The following UBXN7 variants were observed in gnomAD, a reference collection of about 807,000 sequenced individuals.
The protein encoded by UBXN7 is UBX domain protein 7.
UBXN7 carries 9 observed loss-of-function variants against 58.0 expected under a neutral mutation model. That is an observed-to-expected ratio of 0.16 (90% CI 0.09 to 0.27). UBXN7 has a LOEUF of 0.27. Ranked by LOEUF, UBXN7 falls within the 10% of genes least tolerant of loss-of-function variation. The probability of loss-of-function intolerance (pLI) is 1.00; values close to 1 mark genes in which losing one functional copy is unlikely to be tolerated. For missense variants in UBXN7, 328 were observed against 599.6 expected (o/e 0.55, Z 4.73); for synonymous variants, 208 against 205.0 (o/e 1.01, Z -0.12).
intron 1 of UBXN7, among the ~76,000 whole-genome samples, chr3:196,418,972 G>T (rs1245736710): frequency 6.6e-6 from 1 of 152,120 alleles, no homozygotes; most frequent in Non-Finnish European, 1.5e-5. Context: ...CATACCACTG[G>T]TAACAATCTG....
At chr3:196,363,389 G>A (rs1728566250) in intron 8 of UBXN7, among the ~76,000 whole-genome samples, 1 of 150,792 alleles carries the variant, frequency 6.6e-6, no homozygotes, top group Admixed American at 6.6e-5. Context: ...AGGCCGGGTG[G>A]CTCATGCCTG....
At chr3:196,380,573 G>A (rs767856242) in intron 5 of UBXN7, among the ~76,000 whole-genome samples, 3 of 152,188 alleles carry the variant, frequency 2.0e-5, no homozygotes, top group Non-Finnish European at 4.4e-5. Context: ...TGCAGAAGAC[G>A]GACGATTTCT....
intron 8 of UBXN7, among the ~76,000 whole-genome samples, chr3:196,363,547 G>A (rs926391316): frequency 1.3e-5 from 2 of 151,934 alleles, no homozygotes; most frequent in African/African-American, 4.8e-5. Context: ...CAGACACAAA[G>A]CTAGGCCTCT....
chr3:196,417,345 A>G (rs369895313), intron 1 of UBXN7, among the ~76,000 whole-genome samples: 2 of 152,044 alleles, frequency 1.3e-5, no homozygotes, highest in South Asian at 2.1e-4. Context: ...TAAATAAATA[A>G]ATGTATAAAA....
intron 2 of UBXN7, among the ~76,000 whole-genome samples, chr3:196,405,583 T>C (rs1033205906): frequency 1.3e-5 from 2 of 152,144 alleles, no homozygotes; most frequent in African/African-American, 4.8e-5. Flanking sequence ...TGTGTGTATA[T>C]ATATATAATT....
intron 8 of UBXN7, among the ~76,000 whole-genome samples, chr3:196,364,170 G>A (rs1013095524): frequency 6.6e-6 from 1 of 152,240 alleles, no homozygotes; most frequent in East Asian, 1.9e-4. Flanking sequence ...CCTTGGTAAA[G>A]TTCTAATGCC....
At chr3:196,396,607 G>GA (rs942023256) in intron 3 of UBXN7, among the ~76,000 whole-genome samples, 1 of 151,492 alleles carries the variant, frequency 6.6e-6, no homozygotes, top group African/African-American at 2.4e-5. Flanking sequence ...CTAAAAAATA[G>GA]AAAAAATTAG....
At chr3:196,406,032 T>G (rs1730151142) in intron 2 of UBXN7, among the ~76,000 whole-genome samples, 1 of 151,876 alleles carries the variant, frequency 6.6e-6, no homozygotes, top group African/African-American at 2.4e-5. Context: ...TTTTTTTGTT[T>G]TTTGTTTTTT....
intron 5 of UBXN7, among the ~76,000 whole-genome samples, chr3:196,384,087 AAT>A (rs1729298332): frequency 6.6e-6 from 1 of 152,246 alleles, no homozygotes; most frequent in Non-Finnish European, 1.5e-5. Context: ...AGAAGAATCA[AAT>A]AGACGCAATA....
At chr3:196,430,501 C>T (rs991597193) in intron 1 of UBXN7, among the ~76,000 whole-genome samples, 2 of 152,030 alleles carry the variant, frequency 1.3e-5, no homozygotes, top group African/African-American at 4.8e-5. Context: ...AATCCTCCCA[C>T]CTCAGCCTCC....
intron 1 of UBXN7, among the ~76,000 whole-genome samples, chr3:196,427,645 T>G (rs1213798431): frequency 1.3e-5 from 2 of 152,238 alleles, no homozygotes; most frequent in Non-Finnish European, 2.9e-5. Context: ...AATTGCTCTT[T>G]CAGAATAGAT....
At chr3:196,391,984 A>G in intron 4 of UBXN7, 59 bp from the exon 5 acceptor site, 1 of 793,934 alleles carries the variant, frequency 1.3e-6, no homozygotes, top group Non-Finnish European at 1.9e-6. Context: ...CACTGAAAAA[A>G]AAAAAAAAAA....
chr3:196,393,705 T>A (rs542424323), intron 3 of UBXN7, 86 bp from the exon 4 acceptor site: 13 of 1,342,848 alleles, frequency 9.7e-6, no homozygotes, highest in East Asian at 2.6e-5. Flanking sequence ...AGTATTTTTT[T>A]AATAAAACAT....
chr3:196,432,186 G>T (rs1577488288), intron 1 of UBXN7, 141 bp downstream of exon 1: 1 of 1,212,418 alleles, frequency 8.2e-7, no homozygotes, highest in African/African-American at 1.5e-5. Flanking sequence ...CGACGCCGTC[G>T]TCGCCTCTTC....
intron 3 of UBXN7, among the ~76,000 whole-genome samples, chr3:196,397,059 C>A (rs1729798509): frequency 6.6e-6 from 1 of 152,152 alleles, no homozygotes; most frequent in African/African-American, 2.4e-5. Context: ...TATTTCTAAG[C>A]AAAAACCTCT....
rs909660325 is a variant in UBXN7 at position 196,372,528 on chromosome 3, G to A, written c.469-486C>T. On this transcript the variant is annotated intron_variant, in intron 5 of 10. Coordinates refer to ENST00000296328, the MANE Select transcript of UBXN7 (RefSeq NM_015562.2). Reference sequence around the variant, plus strand: ...GGCTGATTTTTGTATTTTTAGTAGAGATGGGGTATCAACATGTTGGCCAGG... The same window carrying A: ...GGCTGATTTTTGTATTTTTAGTAGAAATGGGGTATCAACATGTTGGCCAGG... Among the ~76,000 whole-genome samples, 10 of 151,992 alleles carry A rather than the reference G, an allele frequency of 6.6e-5. No individual in the cohort carries two copies. The East Asian group carries it at 1.9e-3, about 29-fold the overall frequency.
At chr3:196,412,351 C>T (rs373961045) in intron 1 of UBXN7, among the ~76,000 whole-genome samples, 6 of 150,670 alleles carry the variant, frequency 4.0e-5, no homozygotes, top group Admixed American at 2.0e-4. Context: ...TCTCTAGAAA[C>T]GCAAATAGTT....
chr3:196,408,654 C>G (rs952475148), intron 1 of UBXN7, among the ~76,000 whole-genome samples: 1 of 152,032 alleles, frequency 6.6e-6, no homozygotes, highest in Non-Finnish European at 1.5e-5. Flanking sequence ...GTCTTTATTT[C>G]GCTGTCATTC....
At position 196,407,513 on chromosome 3, in the gene UBXN7, T is replaced by C. The variant is rs552186936; in HGVS notation, c.74-120A>G. ...TAGTATTTTTCCCTTTTAGAATGAATGACTTTCTTGTGAAATACACAGAGC... is the reference window on the plus strand; with the variant it reads ...TAGTATTTTTCCCTTTTAGAATGAACGACTTTCTTGTGAAATACACAGAGC... On this transcript the variant is annotated intron_variant, in intron 1 of 10. Transcript: ENST00000296328. 6 of 1,356,942 alleles carry C rather than the reference T, an allele frequency of 4.4e-6. No homozygotes were observed. The East Asian group carries it at 1.3e-4, about 29-fold the overall frequency. 84.1% of individuals were successfully genotyped at this position (1,356,942 alleles called of 1,614,324 possible).
Sources: gnomAD v4.1 joint callset for allele counts (sites outside exome capture counted in the v4.1 genomes callset) on GRCh38, gnomAD v4.1.1 for gene constraint, MANE v1.5 for transcripts, NCBI Gene and HGNC (gene_info 2026-07-23, HGNC 2026-07-21) for gene names.